Variants in PRKN observed in about 807,000 individuals in gnomAD.
PRKN encodes E3 ubiquitin-protein ligase parkin.
PRKN carries 56 observed loss-of-function variants against 59.5 expected under a neutral mutation model. The observed-to-expected ratio is 0.94, with a 90% CI of 0.76 to 1.18. The LOEUF is 1.18. Ranked by LOEUF, PRKN falls within the 50% of genes most tolerant of loss-of-function variation. The probability of loss-of-function intolerance (pLI) is 0.00; values close to 1 mark genes in which losing one functional copy is unlikely to be tolerated. For missense variants in PRKN, 657 were observed against 596.4 expected (o/e 1.10, Z -1.06); for synonymous variants, 250 against 222.1 (o/e 1.13, Z -1.12).
chr6:161,531,380 C>CAA (rs532305875), intron 9 of PRKN, among the ~76,000 whole-genome samples: 29 of 118,598 alleles, frequency 2.4e-4, no homozygotes, highest in South Asian at 1.1e-3. Flanking sequence ...GACTCCGTCT[C>CAA]AAAAAAAAAA....
Position 161,373,753 on chromosome 6 carries a change from A to C in PRKN, c.1167+13041T>G, listed in dbSNP as rs1442651031. 6.6e-6 allele frequency among the ~76,000 whole-genome samples: 1 copy of C among 152,134 alleles called. No individual in the cohort carries two copies. Among genetic ancestry groups the C allele is most frequent in the African/African-American group, 2.4e-5 (1 of 41,422 alleles). On this transcript the variant is annotated intron_variant, in intron 10 of 11. Transcript: ENST00000366898. The surrounding 1 kb of genome is among the most constrained non-coding windows in gnomAD (Gnocchi z 4.8). ...AGCAGGTGAACCGTTTTCCTCACAC[A>C]TGGTCAACATGCTTTTCTGTGGAGT...
At chr6:161,631,990 C>T (rs1582917590) in intron 7 of PRKN, among the ~76,000 whole-genome samples, 2 of 152,162 alleles carry the variant, frequency 1.3e-5, no homozygotes. Context: ...GAGTTCTTTT[C>T]CCCCCAGCAG....
chr6:162,213,348 A>T (rs1777483454), intron 3 of PRKN, among the ~76,000 whole-genome samples: 1 of 152,182 alleles, frequency 6.6e-6, no homozygotes, highest in South Asian at 2.1e-4. Flanking sequence ...TTCAAATCCT[A>T]GAATAACACT....
chr6:161,971,111 G>T (rs1484288219), intron 6 of PRKN, among the ~76,000 whole-genome samples: 4 of 151,978 alleles, frequency 2.6e-5, no homozygotes, highest in Non-Finnish European at 1.5e-5. Flanking sequence ...GGATATAGTC[G>T]CTTCTATTTA....
intron 6 of PRKN, among the ~76,000 whole-genome samples, chr6:161,930,937 C>T (rs1779149406): frequency 6.6e-6 from 1 of 152,194 alleles, no homozygotes; most frequent in Non-Finnish European, 1.5e-5. Context: ...AGGAAATGGA[C>T]TCTCCCTGAG....
intron 1 of PRKN, among the ~76,000 whole-genome samples, chr6:162,557,270 C>T (rs1295281790): frequency 6.6e-6 from 1 of 152,220 alleles, no homozygotes; most frequent in Non-Finnish European, 1.5e-5. Flanking sequence ...TACACCACCC[C>T]ACAGTCATTG....
intron 2 of PRKN, among the ~76,000 whole-genome samples, chr6:162,355,405 A>G (rs1418523385): frequency 6.6e-6 from 1 of 151,842 alleles, no homozygotes; most frequent in East Asian, 1.9e-4. Context: ...CTATCTATCT[A>G]TCTATATATA....
chr6:162,690,877 T>C (rs1295288929), intron 1 of PRKN, among the ~76,000 whole-genome samples: 1 of 150,812 alleles, frequency 6.6e-6, no homozygotes, highest in Admixed American at 6.6e-5. Flanking sequence ...TTTTCTTTAC[T>C]GATAATTTCA....
At position 162,306,672 on chromosome 6, in the gene PRKN, G is replaced by A. The variant is rs78474566; in HGVS notation, c.172-43907C>T. On this transcript the variant is annotated intron_variant, in intron 2 of 11. Transcript: ENST00000366898. ...TTTACTGAGCAACTACTATGTGTCC[G>A]GTACTACGCCAGGCAGTGGGAGAAT... Among the ~76,000 whole-genome samples, 1,209 of 152,246 alleles carry A rather than the reference G, an allele frequency of 7.9e-3. 9 individuals are homozygous for A. Among genetic ancestry groups the A allele is most frequent in the East Asian group, 0.019 (98 of 5,176 alleles).
At chr6:162,117,810 T>G (rs954316456) in intron 4 of PRKN, among the ~76,000 whole-genome samples, 7 of 152,240 alleles carry the variant, frequency 4.6e-5, no homozygotes, top group African/African-American at 1.4e-4. Flanking sequence ...AAAGTAAACA[T>G]TTTTGGGCCG....
intron 1 of PRKN, among the ~76,000 whole-genome samples, chr6:162,625,615 T>C (rs1428659275): frequency 1.3e-5 from 2 of 152,122 alleles, no homozygotes; most frequent in Non-Finnish European, 2.9e-5. Flanking sequence ...CCCTCCCTTA[T>C]TGTCTTTCTC....
At chr6:162,152,358 A>G (rs941216476) in intron 4 of PRKN, among the ~76,000 whole-genome samples, 1 of 152,158 alleles carries the variant, frequency 6.6e-6, no homozygotes, top group Admixed American at 6.5e-5. Context: ...ACTGTTCTCC[A>G]TGACACCCTT....
intron 9 of PRKN, among the ~76,000 whole-genome samples, chr6:161,415,124 T>C (rs1454687860): frequency 6.6e-6 from 1 of 152,064 alleles, no homozygotes; most frequent in African/African-American, 2.4e-5. Flanking sequence ...CATGGCTAAC[T>C]CAACAGAATA....
At chr6:162,358,067 A>T (rs1187921735) in intron 2 of PRKN, among the ~76,000 whole-genome samples, 1 of 152,210 alleles carries the variant, frequency 6.6e-6, no homozygotes, top group Non-Finnish European at 1.5e-5. Context: ...TATGGACTGT[A>T]GTTAATAATA....
chr6:162,045,285 C>A (rs1784209616), intron 5 of PRKN, among the ~76,000 whole-genome samples: 1 of 152,178 alleles, frequency 6.6e-6, no homozygotes, highest in Admixed American at 6.5e-5. Flanking sequence ...CGATCTTTTG[C>A]TTTTCCACTC....
At chr6:161,793,833 T>C (rs996500603) in intron 6 of PRKN, among the ~76,000 whole-genome samples, 44 of 152,242 alleles carry the variant, frequency 2.9e-4, no homozygotes, top group African/African-American at 1.1e-3. Flanking sequence ...ATTGTAAATA[T>C]GTTACAAAGG....
chr6:162,140,181 C>T lies in PRKN; in HGVS notation c.534+60950G>A, dbSNP rs139615657. Among the ~76,000 whole-genome samples, 496 of 152,252 alleles carry T rather than the reference C, an allele frequency of 3.3e-3. 7 individuals are homozygous for T. The highest frequency in any genetic ancestry group is 0.011 in the African/African-American group (470 of 41,542). ...GGGGATTGCATTATGATTCAGTTTT[C>T]GCACTCTAAAATCCAACTTCCCTTT... On this transcript the variant is annotated intron_variant, in intron 4 of 11. Transcript: ENST00000366898.
chr6:162,668,559 G>C (rs1036593941), intron 1 of PRKN, among the ~76,000 whole-genome samples: 4 of 152,060 alleles, frequency 2.6e-5, no homozygotes, highest in Non-Finnish European at 5.9e-5. Context: ...GCAGTTGAAG[G>C]AGAGGGGAGG....
rs1352354341 is a variant in PRKN, at chr6:161,793,667, T to G, written c.735-7759A>C. Among the ~76,000 whole-genome samples, 6 of 152,012 alleles carry G rather than the reference T, an allele frequency of 3.9e-5. No individual in the cohort carries two copies. In the East Asian group the frequency reaches 1.2e-3, roughly 29 times the overall value. On this transcript the variant is annotated intron_variant, in intron 6 of 11. Coordinates refer to ENST00000366898, the MANE Select transcript of PRKN (RefSeq NM_004562.3). ...TGGTAAGCACTACCATAAGGATGAA[T>G]TTGGAGACACCTAGCCTATCTCTGG...
Sources: gnomAD v4.1 joint callset for allele counts (sites outside exome capture counted in the v4.1 genomes callset) on GRCh38, gnomAD v4.1.1 for gene constraint, Gnocchi (gnomAD v3.1) non-coding constraint, MANE v1.5 for transcripts, NCBI Gene and HGNC (gene_info 2026-07-23, HGNC 2026-07-21) for gene names.